Variants in CCDC171 observed in about 807,000 individuals in gnomAD.
CCDC171 encodes coiled-coil domain-containing protein 171.
Under a neutral mutation model 168.2 loss-of-function variants are expected in CCDC171, and 177 were observed. That is an observed-to-expected ratio of 1.05 (90% CI 0.93 to 1.19). CCDC171 has a LOEUF of 1.19. Among genes scored for constraint, CCDC171 ranks in the 50% most tolerant of loss-of-function variants. The probability of loss-of-function intolerance (pLI) is 0.00; values close to 1 mark genes in which losing one functional copy is unlikely to be tolerated. For synonymous variants in CCDC171, 687 were observed against 540.8 expected (o/e 1.27, Z -3.75); for missense variants, 1,991 against 1,539.0 (o/e 1.29, Z -4.91).
At chr9:15,560,903 A>G (rs944834155) in intron 1 of CCDC171, among the ~76,000 whole-genome samples, 1 of 152,082 alleles carries the variant, frequency 6.6e-6, no homozygotes, top group Non-Finnish European at 1.5e-5. Flanking sequence ...TGACATACAG[A>G]TGAGGTTTTC....
At chr9:16,028,143 T>C (rs77366233) in intron 6 of CCDC171, among the ~76,000 whole-genome samples, 2,422 of 152,222 alleles carry the variant, frequency 0.016, 76 homozygotes, top group South Asian at 0.11. Flanking sequence ...TTGGTCTGAT[T>C]GGAGCCAGGG....
intron 7 of CCDC171, among the ~76,000 whole-genome samples, chr9:15,638,689 G>C (rs148905278): frequency 3.4e-4 from 51 of 151,626 alleles, no homozygotes; most frequent in Non-Finnish European, 5.9e-4. Flanking sequence ...AAATATAAAA[G>C]AATTTAAAAA....
At chr9:15,645,721 G>A (rs2046981978) in intron 7 of CCDC171, among the ~76,000 whole-genome samples, 1 of 152,100 alleles carries the variant, frequency 6.6e-6, no homozygotes, top group Admixed American at 6.6e-5. Flanking sequence ...GAAACGAACG[G>A]AACGTCCAAG....
At position 15,623,204 on chromosome 9, in the gene CCDC171, G is replaced by C. The variant is rs956987158; in HGVS notation, c.676-63G>C. ...TTTAGTTACTCACTGTCTTCTATTG[G>C]AGTGACTCTTAGTCATTGATGGCTT... On this transcript the variant is annotated intron_variant, in intron 6 of 25. Coordinates refer to ENST00000380701, the MANE Select transcript of CCDC171 (RefSeq NM_173550.4). 5.8e-6 allele frequency: 7 copies of C among 1,209,998 alleles called. No homozygotes were observed. In the South Asian group the frequency reaches 1.2e-4, roughly 21 times the overall value. 75.0% of individuals were successfully genotyped at this position (1,209,998 alleles called of 1,614,324 possible). A position where few individuals can be genotyped will look rare whatever the true frequency, so the allele number is the denominator to read the frequency against.
chr9:15,646,319 C>G (rs910808297), intron 7 of CCDC171, among the ~76,000 whole-genome samples: 3 of 152,098 alleles, frequency 2.0e-5, no homozygotes, highest in Non-Finnish European at 4.4e-5. Context: ...ACCATCCATG[C>G]TAGGAAGGAA....
At position 15,940,515 on chromosome 9, in the gene CCDC171, A is replaced by G. The variant is rs548698421; in HGVS notation, c.3753+20093A>G. 3.3e-5 allele frequency among the ~76,000 whole-genome samples: 5 copies of G among 152,082 alleles called. No individual in the cohort carries two copies. The East Asian group carries it at 9.7e-4, about 30-fold the overall frequency. ...GCACAAAGTCAAACTTGCAGACCAAATGTGGGAACCAACAAGGATATAAAA... is the reference window on the plus strand; with the variant it reads ...GCACAAAGTCAAACTTGCAGACCAAGTGTGGGAACCAACAAGGATATAAAA... On this transcript the variant is annotated intron_variant, in intron 25 of 25. Transcript: ENST00000380701.
chr9:15,693,316 T>C (rs1322344570), intron 10 of CCDC171, among the ~76,000 whole-genome samples: 1 of 152,188 alleles, frequency 6.6e-6, no homozygotes, highest in Non-Finnish European at 1.5e-5. Flanking sequence ...AACTTAGATA[T>C]GTTTTCATTG....
At chr9:15,570,843 G>A (rs1387602449) in intron 2 of CCDC171, among the ~76,000 whole-genome samples, 3 of 152,140 alleles carry the variant, frequency 2.0e-5, no homozygotes, top group East Asian at 3.8e-4. Context: ...TAGGTCATTT[G>A]TATCTAATGT....
chr9:15,950,950 C>G (rs560869792), intron 25 of CCDC171, among the ~76,000 whole-genome samples: 1 of 151,346 alleles, frequency 6.6e-6, no homozygotes, highest in Admixed American at 6.6e-5. Context: ...AAATGGAAAA[C>G]AAAAAGAGGC....
chr9:15,777,811 C>A lies in CCDC171; in HGVS notation c.2883C>A (p.Gly961=). 3 of 1,606,770 alleles carry A rather than the reference C, an allele frequency of 1.9e-6. No individual in the cohort carries two copies. Among genetic ancestry groups the A allele is most frequent in the Non-Finnish European group, 2.5e-6 (3 of 1,177,482 alleles). Residue 961 remains glycine (G), a synonymous_variant, in exon 19 of 26, where the codon GGC becomes GGA. Transcript: ENST00000380701. ...NTLALKYGLR[G]HVPITKSTAS... is the part of the protein sequence containing the mutation. ...TGGCCCTGAAATATGGTTTGCGTGG[C>A]CATGTGCCCATTACGGTATGTATAC... is the stretch of plus-strand genomic sequence containing the variant.
intron 9 of CCDC171, among the ~76,000 whole-genome samples, chr9:15,677,793 C>T (rs1282371277): frequency 7.4e-6 from 1 of 135,446 alleles, no homozygotes; most frequent in Non-Finnish European, 1.6e-5. Flanking sequence ...ATATATACCC[C>T]ATCTCATATA....
Position 16,047,176 on chromosome 9 carries a change from G to T in CCDC171, n.89+4290G>T, listed in dbSNP as rs1196178164. On this transcript the variant is annotated intron_variant and non_coding_transcript_variant, in intron 1 of 1. Transcript: ENST00000478913. The stretch of plus-strand genomic sequence containing the variant: ...CTCAGACCCTTTAGGGTGGTGAGTG[G>T]GGGTGGCATTTTCATCCAAATGTCT... Among the ~76,000 whole-genome samples, 3 of 152,140 alleles carry T rather than the reference G, an allele frequency of 2.0e-5. No individual in the cohort carries two copies. The East Asian group carries it at 5.8e-4, about 29-fold the overall frequency.
At chr9:15,983,088 T>C (rs1370920634) in intron 3 of CCDC171, among the ~76,000 whole-genome samples, 1 of 152,214 alleles carries the variant, frequency 6.6e-6, no homozygotes, top group African/African-American at 2.4e-5. Flanking sequence ...TTGAAGCTCC[T>C]ATTCTAGCTT....
At position 15,750,772 on chromosome 9, in the gene CCDC171, C is replaced by T. The variant is rs572263427; in HGVS notation, c.2671+5141C>T. Among the ~76,000 whole-genome samples the T allele has an allele frequency of 2.6e-5, 4 of 152,226 alleles. No homozygotes were observed. The South Asian group carries it at 8.3e-4, about 32-fold the overall frequency. ...CTCAATAAACTAGGTATTGATGGAA[C>T]GTATCTCATAATAATAAGAGCTGTT... On this transcript the variant is annotated intron_variant, in intron 18 of 25. Coordinates refer to ENST00000380701, the MANE Select transcript of CCDC171 (RefSeq NM_173550.4).
At chr9:16,013,006 C>A (rs1284267719) in intron 3 of CCDC171, among the ~76,000 whole-genome samples, 1 of 152,154 alleles carries the variant, frequency 6.6e-6, no homozygotes, top group Non-Finnish European at 1.5e-5. Flanking sequence ...AAGTCTGACA[C>A]CTTCACTTTC....
At position 15,793,466 on chromosome 9, in the gene CCDC171, G is replaced by A. The variant is rs539781041; in HGVS notation, c.3267+8772G>A. Reference sequence around the variant, plus strand: ...AATTGAACTCAGCTCTGCACCAAGCGGACCTAGTAGACCTCTACAGAACTC... The same window carrying A: ...AATTGAACTCAGCTCTGCACCAAGCAGACCTAGTAGACCTCTACAGAACTC... On this transcript the variant is annotated intron_variant, in intron 21 of 25. Coordinates refer to ENST00000380701, the MANE Select transcript of CCDC171 (RefSeq NM_173550.4). Among the ~76,000 whole-genome samples the A allele has an allele frequency of 2.0e-4, 30 of 151,484 alleles. 1 individual carries two copies. In the South Asian group the frequency reaches 5.6e-3, roughly 29 times the overall value.
At position 15,807,293 on chromosome 9, in the gene CCDC171, G is replaced by A. The variant is rs149171931; in HGVS notation, c.3267+22599G>A. Among the ~76,000 whole-genome samples the A allele has an allele frequency of 4.1e-4, 63 of 152,290 alleles. No homozygotes were observed. The East Asian group carries it at 0.011, about 27-fold the overall frequency. ...CATTTGGAGGATGTAAGACACTCTG[G>A]CCATTTGATTTCCCAGAGTTCTTGC... On this transcript the variant is annotated intron_variant, in intron 21 of 25. Transcript: ENST00000380701.
chr9:15,809,419 A>G (rs1326386320), intron 21 of CCDC171, among the ~76,000 whole-genome samples: 1 of 152,176 alleles, frequency 6.6e-6, no homozygotes, highest in East Asian at 1.9e-4. Flanking sequence ...CACTGACTTC[A>G]AGAATGAAGC....
chr9:15,851,539 G>C (rs2061128271), intron 23 of CCDC171, among the ~76,000 whole-genome samples: 1 of 151,752 alleles, frequency 6.6e-6, no homozygotes, highest in Admixed American at 6.6e-5. Flanking sequence ...CTTCTCTCTT[G>C]AGTTGAAATT....
Sources: gnomAD v4.1 joint callset for allele counts (sites outside exome capture counted in the v4.1 genomes callset) on GRCh38, gnomAD v4.1.1 for gene constraint, MANE v1.5 for transcripts, NCBI Gene and HGNC (gene_info 2026-07-23, HGNC 2026-07-21) for gene names.